Variants in DGKB observed in about 807,000 individuals in gnomAD.
DGKB encodes diacylglycerol kinase beta.
A neutral mutation model predicts 114.3 loss-of-function variants in DGKB; 67 were observed. That is an observed-to-expected ratio of 0.59 (90% CI 0.48 to 0.72). The LOEUF (loss-of-function observed/expected upper bound fraction) is 0.72, where lower values mean the gene tolerates loss of function less well. Among genes scored for constraint, DGKB ranks in the 30% least tolerant of loss-of-function variants. The pLI is 0.00. For synonymous variants in DGKB, 398 were observed against 323.1 expected, an observed-to-expected ratio of 1.23 and a Z score of -2.49; for missense variants, 907 against 975.2, an observed-to-expected ratio of 0.93 and a Z score of 0.93.
At chr7:14,553,864 G>A (rs1214544508) in intron 20 of DGKB, among the ~76,000 whole-genome samples, 2 of 83,162 alleles carry the variant, frequency 2.4e-5, no homozygotes, top group South Asian at 4.6e-4. Context: ...TCCTTTACAT[G>A]CTTTTTTTTT....
chr7:14,561,505 GA>G (rs1370666376), intron 20 of DGKB, among the ~76,000 whole-genome samples: 2 of 152,088 alleles, frequency 1.3e-5, no homozygotes. Context: ...GGAGGGCTCA[GA>G]AAAAGACAGA....
chr7:14,820,976 A>T (rs1387740201), intron 2 of DGKB, among the ~76,000 whole-genome samples: 1 of 152,144 alleles, frequency 6.6e-6, no homozygotes, highest in Non-Finnish European at 1.5e-5. Flanking sequence ...TACAGTAAAT[A>T]TACTGAATTG....
intron 1 of DGKB, among the ~76,000 whole-genome samples, chr7:14,953,070 C>T (rs1471508845): frequency 6.6e-6 from 1 of 151,864 alleles, no homozygotes; most frequent in Non-Finnish European, 1.5e-5. Context: ...AAAAATACAC[C>T]ATAGGCCTAC....
chr7:14,450,868 T>C (rs778293008), intron 21 of DGKB, among the ~76,000 whole-genome samples: 3 of 152,076 alleles, frequency 2.0e-5, no homozygotes, highest in Non-Finnish European at 2.9e-5. Flanking sequence ...TCAAAAATGC[T>C]GAGAGAATGA....
intron 23 of DGKB, among the ~76,000 whole-genome samples, chr7:14,280,748 T>A (rs1399730843): frequency 1.3e-5 from 2 of 148,870 alleles, no homozygotes; most frequent in Non-Finnish European, 3.0e-5. Flanking sequence ...GAATTTCATA[T>A]CCAGCCAAAC....
At chr7:14,496,686 G>C (rs1363896282) in intron 20 of DGKB, among the ~76,000 whole-genome samples, 1 of 151,744 alleles carries the variant, frequency 6.6e-6, no homozygotes, top group Non-Finnish European at 1.5e-5. Context: ...TATTGGAAAT[G>C]CATCAGTGAC....
At chr7:14,491,291 A>T (rs1784567337) in intron 20 of DGKB, among the ~76,000 whole-genome samples, 1 of 150,370 alleles carries the variant, frequency 6.7e-6, no homozygotes, top group African/African-American at 2.4e-5. Flanking sequence ...TTAAGGGGAA[A>T]CTCCTTTCAC....
chr7:14,483,891 GA>G (rs1382243400), intron 20 of DGKB, among the ~76,000 whole-genome samples: 1 of 152,092 alleles, frequency 6.6e-6, no homozygotes, highest in Non-Finnish European at 1.5e-5. Flanking sequence ...GGAGCACCTC[GA>G]TTTTAGTCCA....
In DGKB at chr7:14,240,926, A is replaced by T. The variant is rs182627170; in HGVS notation, c.2123-62775T>A. 6.6e-4 allele frequency among the ~76,000 whole-genome samples: 100 copies of T among 152,222 alleles called. 1 individual carries two copies. In the East Asian group the frequency reaches 0.018, roughly 27 times the overall value. ...TGTAGAATCTGTTTAGGTAATCACT[A>T]AGCCTTTAGACAGAATCTCTCCAGG... On this transcript the variant is annotated intron_variant, in intron 23 of 25. Coordinates refer to ENST00000402815, the MANE Select transcript of DGKB (RefSeq NM_001350709.2).
At chr7:14,532,950 T>C (rs1584627797) in intron 20 of DGKB, among the ~76,000 whole-genome samples, 1 of 151,710 alleles carries the variant, frequency 6.6e-6, no homozygotes, top group East Asian at 1.9e-4. Context: ...GCAGACACCA[T>C]TGCAAGAATA....
intron 23 of DGKB, among the ~76,000 whole-genome samples, chr7:14,254,896 C>G (rs946828585): frequency 6.6e-6 from 1 of 152,162 alleles, no homozygotes; most frequent in African/African-American, 2.4e-5. Context: ...TGAGTATTCA[C>G]AAATTCGGAT....
rs377062954 is a variant in DGKB, at chr7:14,748,961, G to C, written c.168+4967C>G. 1.7e-4 allele frequency among the ~76,000 whole-genome samples: 26 copies of C among 151,958 alleles called. No homozygotes were observed. The East Asian group carries it at 4.8e-3, about 28-fold the overall frequency. ...TGTGTAAAATACTATGCGCTTACTGGGCAAAGAACTCTGATGAAATTAACT... is the reference window on the plus strand; with the variant it reads ...TGTGTAAAATACTATGCGCTTACTGCGCAAAGAACTCTGATGAAATTAACT... On this transcript the variant is annotated intron_variant, in intron 4 of 25. Coordinates refer to ENST00000402815, the MANE Select transcript of DGKB (RefSeq NM_001350709.2).
chr7:14,612,272 G>C (rs893019614), intron 16 of DGKB, among the ~76,000 whole-genome samples: 1 of 151,710 alleles, frequency 6.6e-6, no homozygotes, highest in Non-Finnish European at 1.5e-5. Flanking sequence ...AGGTTCAAGT[G>C]ATTCTCCTTG....
At chr7:14,285,773 CAAAG>C (rs757110942) in intron 23 of DGKB, among the ~76,000 whole-genome samples, 28 of 152,052 alleles carry the variant, frequency 1.8e-4, no homozygotes, top group East Asian at 1.9e-4. Context: ...TTTAGAGAAA[CAAAG>C]AACACAGTTA....
chr7:14,465,786 C>T (rs568466668), intron 21 of DGKB, among the ~76,000 whole-genome samples: 1 of 152,228 alleles, frequency 6.6e-6, no homozygotes, highest in East Asian at 1.9e-4. Flanking sequence ...GAGACCCAAG[C>T]ATGACTCCGC....
chr7:14,608,980 A>G (rs186148726), intron 16 of DGKB, among the ~76,000 whole-genome samples: 2 of 152,206 alleles, frequency 1.3e-5, no homozygotes, highest in East Asian at 3.9e-4. Context: ...TTAAATGGCT[A>G]TTCTGCCCAA....
At chr7:14,708,864 A>G (rs1261953673) in intron 6 of DGKB, among the ~76,000 whole-genome samples, 1 of 150,312 alleles carries the variant, frequency 6.7e-6, no homozygotes, top group Admixed American at 6.6e-5. Context: ...TAAAAACCCT[A>G]AAAGAAAACC....
chr7:14,247,392 G>C (rs951380893), intron 23 of DGKB, among the ~76,000 whole-genome samples: 2 of 152,102 alleles, frequency 1.3e-5, no homozygotes, highest in East Asian at 3.9e-4. Context: ...TGGATCATAG[G>C]CAGTTCTGTT....
intron 1 of DGKB, among the ~76,000 whole-genome samples, chr7:14,888,643 G>A (rs918629259): frequency 6.6e-6 from 1 of 151,682 alleles, no homozygotes; most frequent in East Asian, 1.9e-4. Flanking sequence ...ATAAAAGACT[G>A]AGCAATCTAA....
Sources: allele counts gnomAD v4.1 joint callset (sites outside exome capture counted in the v4.1 genomes callset), GRCh38; gene constraint gnomAD v4.1.1; transcripts MANE v1.5; gene names NCBI Gene and HGNC (gene_info 2026-07-23, HGNC 2026-07-21).